The following RBFOX1 variants were observed in gnomAD, a reference collection of about 807,000 sequenced individuals.
RBFOX1 encodes the protein RNA binding fox-1 homolog 1.
A neutral mutation model predicts 57.7 loss-of-function variants in RBFOX1; 8 were observed. The ratio of observed to expected loss-of-function variants is 0.14; its 90% confidence interval spans 0.08 to 0.25. The LOEUF (loss-of-function observed/expected upper bound fraction) is 0.25. Among genes scored for constraint, RBFOX1 ranks in the 10% least tolerant of loss-of-function variants. The pLI is 1.00. For missense variants in RBFOX1, 611 were observed against 548.5 expected, an observed-to-expected ratio of 1.11 and a Z score of -1.14; for synonymous variants, 326 against 222.4, an observed-to-expected ratio of 1.47 and a Z score of -4.15.
chr16:6,830,991 G>A (rs1016489113), intron 3 of RBFOX1, among the ~76,000 whole-genome samples: 1 of 152,214 alleles, frequency 6.6e-6, no homozygotes, highest in African/African-American at 2.4e-5. Context: ...AAATGTGGAT[G>A]CCATAGAACC....
At chr16:7,036,721 A>T (rs2044550918) in intron 3 of RBFOX1, among the ~76,000 whole-genome samples, 2 of 114,700 alleles carry the variant, frequency 1.7e-5, no homozygotes, top group Admixed American at 1.7e-4. Context: ...AAAAAAAACA[A>T]AAAACAAACA....
chr16:6,536,031 C>G (rs564726217), intron 2 of RBFOX1, among the ~76,000 whole-genome samples: 2 of 152,156 alleles, frequency 1.3e-5, no homozygotes, highest in Non-Finnish European at 2.9e-5. Context: ...ATGTGTGATT[C>G]ATGCTTTTCA....
intron 1 of RBFOX1, among the ~76,000 whole-genome samples, chr16:6,075,877 A>G (rs578181748): frequency 3.3e-5 from 5 of 152,346 alleles, no homozygotes; most frequent in African/African-American, 9.6e-5. Flanking sequence ...CACTGTGCAG[A>G]TAATTTATTG....
chr16:7,384,363 A>C (rs542485703), intron 4 of RBFOX1, among the ~76,000 whole-genome samples: 67 of 152,328 alleles, frequency 4.4e-4, no homozygotes, highest in African/African-American at 1.5e-3. Flanking sequence ...TATATAGCTC[A>C]GGTGCAACAG....
intron 3 of RBFOX1, among the ~76,000 whole-genome samples, chr16:5,606,659 A>G (rs1310761628): frequency 6.6e-6 from 1 of 152,172 alleles, no homozygotes; most frequent in Non-Finnish European, 1.5e-5. Flanking sequence ...GAAGTAGCCC[A>G]TAACTGAGGC....
intron 3 of RBFOX1, among the ~76,000 whole-genome samples, chr16:5,839,917 A>G (rs1184730076): frequency 1.3e-5 from 2 of 152,216 alleles, no homozygotes; most frequent in Non-Finnish European, 2.9e-5. Flanking sequence ...AGCAATCAAG[A>G]CAGAGAAACT....
chr16:6,124,435 A>G (rs1022972154), intron 1 of RBFOX1, among the ~76,000 whole-genome samples: 13 of 152,102 alleles, frequency 8.5e-5, no homozygotes, highest in African/African-American at 3.1e-4. Context: ...ACCCCTAGGG[A>G]TTGACCCCTG....
intron 13 of RBFOX1, among the ~76,000 whole-genome samples, chr16:7,672,555 G>T (rs986936827): frequency 6.6e-6 from 1 of 152,032 alleles, no homozygotes. Flanking sequence ...ACCTCCAACT[G>T]CCACCCTTCA....
chr16:6,593,541 A>C (rs533956394), intron 2 of RBFOX1, among the ~76,000 whole-genome samples: 1 of 152,056 alleles, frequency 6.6e-6, no homozygotes, highest in African/African-American at 2.4e-5. Flanking sequence ...AGAATCGAGG[A>C]TTGTGGCTTT....
chr16:7,438,360 C>A (rs541848877), intron 4 of RBFOX1, among the ~76,000 whole-genome samples: 26 of 152,124 alleles, frequency 1.7e-4, no homozygotes, highest in Admixed American at 4.6e-4. Flanking sequence ...TTTGGGTCCT[C>A]TGGGGCCACG....
At chr16:7,001,750 C>T (rs1436920711) in intron 3 of RBFOX1, among the ~76,000 whole-genome samples, 1 of 152,176 alleles carries the variant, frequency 6.6e-6, no homozygotes, top group South Asian at 2.1e-4. Context: ...CGTCAACACA[C>T]TGGCCTCTAT....
intron 2 of RBFOX1, among the ~76,000 whole-genome samples, chr16:5,509,015 C>T (rs2043482912): frequency 6.6e-6 from 1 of 152,176 alleles, no homozygotes; most frequent in Admixed American, 6.5e-5. Flanking sequence ...GACTTCCTTC[C>T]CTCTCACTTA....
At chr16:6,968,275 G>C (rs149612687) in intron 3 of RBFOX1, among the ~76,000 whole-genome samples, 6 of 152,334 alleles carry the variant, frequency 3.9e-5, no homozygotes, top group Admixed American at 2.6e-4. Flanking sequence ...CTGTCACTTG[G>C]AGAGAGGATA....
intron 1 of RBFOX1, among the ~76,000 whole-genome samples, chr16:6,217,780 TA>T (rs1407226436): frequency 1.3e-5 from 2 of 152,078 alleles, no homozygotes; most frequent in Non-Finnish European, 2.9e-5. Context: ...TTTGGGAGGC[TA>T]AGGCGGGTGG....
At chr16:5,836,472 A>G (rs988785742) in intron 3 of RBFOX1, among the ~76,000 whole-genome samples, 3 of 152,148 alleles carry the variant, frequency 2.0e-5, no homozygotes, top group African/African-American at 4.8e-5. Context: ...ATCTCAGTGA[A>G]CAGAACCATG....
At chr16:5,591,699 T>G (rs2047013847) in intron 2 of RBFOX1, among the ~76,000 whole-genome samples, 1 of 152,224 alleles carries the variant, frequency 6.6e-6, no homozygotes, top group Non-Finnish European at 1.5e-5. Context: ...CTCCCCGTCA[T>G]TCCATATAAA....
chr16:6,833,905 T>C (rs946421211), intron 3 of RBFOX1, among the ~76,000 whole-genome samples: 1 of 151,754 alleles, frequency 6.6e-6, no homozygotes, highest in Non-Finnish European at 1.5e-5. Context: ...CCTGGCAAGG[T>C]TGATCAATCC....
At chr16:6,111,116 G>C (rs2096441913) in intron 1 of RBFOX1, among the ~76,000 whole-genome samples, 2 of 152,132 alleles carry the variant, frequency 1.3e-5, no homozygotes, top group South Asian at 4.2e-4. Flanking sequence ...ATGGGCGAGA[G>C]AGGGAGATCA....
chr16:6,950,563 G>A (rs747680728), intron 3 of RBFOX1, among the ~76,000 whole-genome samples: 1 of 152,192 alleles, frequency 6.6e-6, no homozygotes, highest in African/African-American at 2.4e-5. Context: ...ATGAATGTGT[G>A]TTAGGAGACT....
Sources: gnomAD v4.1 joint callset for allele counts (sites outside exome capture counted in the v4.1 genomes callset) on GRCh38, gnomAD v4.1.1 for gene constraint, MANE v1.5 for transcripts, NCBI Gene and HGNC (gene_info 2026-07-23, HGNC 2026-07-21) for gene names.